The following ZDHHC11 variants were observed in gnomAD, a reference collection of about 807,000 sequenced individuals.
ZDHHC11 encodes palmitoyltransferase ZDHHC11.
In ZDHHC11, 44 loss-of-function variants were observed where a neutral mutation model predicts 51.3. The ratio of observed to expected loss-of-function variants is 0.86; its 90% CI spans 0.67 to 1.10. ZDHHC11 has a LOEUF of 1.10. ZDHHC11 is among the 50% of genes least tolerant of loss of function. ZDHHC11 has a pLI of 0.00. For synonymous variants in ZDHHC11, 163 were observed against 222.0 expected, an observed-to-expected ratio of 0.73 and a Z score of 2.36; for missense variants, 400 against 537.7, an observed-to-expected ratio of 0.74 and a Z score of 2.53.
At chr5:852,477 G>A (rs1747371661), upstream of ZDHHC11, among the ~76,000 whole-genome samples, 1 of 152,258 alleles carries the variant, frequency 6.6e-6, no homozygotes, top group East Asian at 1.9e-4. Flanking sequence ...GAGAAAATGT[G>A]AGCAAGCCAG....
At chr5:854,488 C>T (rs1473596343), upstream of ZDHHC11, among the ~76,000 whole-genome samples, 1 of 149,648 alleles carries the variant, frequency 6.7e-6, no homozygotes, top group Non-Finnish European at 1.5e-5. Flanking sequence ...GGGACAGACC[C>T]CACAGAGGAC....
chr5:814,872 G>C (rs1740572303), intron 10 of ZDHHC11, 77 bp from the exon 11 acceptor site: 2 of 1,374,714 alleles, frequency 1.5e-6, no homozygotes, highest in African/African-American at 1.5e-5. Flanking sequence ...TAAAATTCAA[G>C]TTCATTACTA....
At chr5:843,920 GGCA>G (rs1222740144) in intron 3 of ZDHHC11, among the ~76,000 whole-genome samples, 196 bp from the exon 4 acceptor site, 7 of 126,656 alleles carry the variant, frequency 5.5e-5, no homozygotes, top group Non-Finnish European at 1.2e-4. Context: ...GGACACGCAG[GGCA>G]TCTGAGGCAG....
chr5:798,390 C>T (rs1737898200), intron 12 of ZDHHC11, among the ~76,000 whole-genome samples: 1 of 151,638 alleles, frequency 6.6e-6, no homozygotes. Context: ...CACTCGCACT[C>T]ACATGGACAC....
chr5:845,078 G>A (rs1287626531), intron 3 of ZDHHC11, among the ~76,000 whole-genome samples: 1 of 152,412 alleles, frequency 6.6e-6, no homozygotes, highest in Non-Finnish European at 1.5e-5. Context: ...CGAAGAGGCA[G>A]TTAGGGCACA....
At chr5:854,082 G>A (rs189956412), upstream of ZDHHC11, among the ~76,000 whole-genome samples, 1,099 of 140,954 alleles carry the variant, frequency 7.8e-3, 10 homozygotes, top group Non-Finnish European at 0.011. Flanking sequence ...CGAGGACAGC[G>A]AGCCGGGGGG....
intron 7 of ZDHHC11, among the ~76,000 whole-genome samples, chr5:825,457 G>C (rs1169242595): frequency 6.6e-6 from 1 of 152,132 alleles, no homozygotes; most frequent in Non-Finnish European, 1.5e-5. Flanking sequence ...CTCGTGTAAA[G>C]GACCATGACT....
At chr5:853,465 G>A (rs117841193), upstream of ZDHHC11, among the ~76,000 whole-genome samples, 8 of 143,628 alleles carry the variant, frequency 5.6e-5, no homozygotes, top group East Asian at 8.7e-4. Context: ...AGACCCCACA[G>A]AGGACAGCGA....
In ZDHHC11 at chr5:850,564, T is replaced by A; in HGVS notation, c.39A>T (p.Pro13=). Residue 13 remains proline, a synonymous_variant, in exon 1 of 13, where the codon CCA becomes CCT. Transcript: ENST00000283441. ...TRSGSQCSVT[P]EAILNNEKLV... is the part of the protein sequence containing the mutation. ...GCTTTTCATTATTGAGTATGGCTTC[T>A]GGGGTGACGGAACACTGGCTCCCGG... The A allele has an allele frequency of 6.2e-7, 1 of 1,613,512 alleles. No individual in the cohort carries two copies. The highest frequency in any genetic ancestry group is 2.2e-5 in the East Asian group (1 of 44,866).
At chr5:851,377 G>A (rs1030496888), upstream of ZDHHC11, among the ~76,000 whole-genome samples, 4 of 151,944 alleles carry the variant, frequency 2.6e-5, no homozygotes, top group Admixed American at 6.5e-5. Context: ...GTCACAGAGC[G>A]GCAGTGAAAG....
In ZDHHC11 at chr5:808,695, T is replaced by C. The variant is rs4507533; in HGVS notation, c.1181+6066A>G. Among the ~76,000 whole-genome samples the C allele has an allele frequency of 1.7e-3, 239 of 139,650 alleles. 1 individual carries two copies. Among genetic ancestry groups the C allele is most frequent in the Non-Finnish European group, 2.2e-3 (138 of 63,486 alleles). 91.6% of individuals were successfully genotyped at this position (139,650 alleles called of 152,430 possible). ...GATTACAGGAGCATGCCATCAAACC[T>C]AGCTAATTTTTTTTTTTTTTTTGAG... On this transcript the variant is annotated intron_variant, in intron 11 of 12. Coordinates refer to ENST00000283441, the MANE Select transcript of ZDHHC11 (RefSeq NM_024786.3).
At chr5:812,776 A>C (rs1740263630) in intron 11 of ZDHHC11, among the ~76,000 whole-genome samples, 1 of 151,422 alleles carries the variant, frequency 6.6e-6, no homozygotes, top group African/African-American at 2.4e-5. Flanking sequence ...ACTTGGTCAT[A>C]AACTTAATAT....
chr5:851,208 G>A (rs1433208803), upstream of ZDHHC11, among the ~76,000 whole-genome samples: 1 of 152,164 alleles, frequency 6.6e-6, no homozygotes, highest in Non-Finnish European at 1.5e-5. Context: ...ACTTCACAGG[G>A]TCCTGTGTGT....
intron 5 of ZDHHC11, chr5:839,980 C>T (rs1426191625): frequency 1.2e-4 from 66 of 532,016 alleles, no homozygotes; most frequent in Middle Eastern, 9.5e-4. Flanking sequence ...GTTTACCCTC[C>T]GTCGTTCAGC....
At chr5:856,551 T>C (rs534150915) in intron 1 of ZDHHC11, among the ~76,000 whole-genome samples, 180 of 143,416 alleles carry the variant, frequency 1.3e-3, no homozygotes, top group African/African-American at 4.6e-3. Flanking sequence ...CACAACTCCA[T>C]GCACACCACA....
intron 1 of ZDHHC11, among the ~76,000 whole-genome samples, chr5:856,908 A>G (rs1202718978): frequency 6.6e-6 from 1 of 150,850 alleles, no homozygotes; most frequent in East Asian, 1.9e-4. Context: ...CAAACCACAC[A>G]CCACACACAC....
chr5:829,792 A>G (rs1404816029), intron 7 of ZDHHC11, among the ~76,000 whole-genome samples: 1 of 151,512 alleles, frequency 6.6e-6, no homozygotes, highest in Non-Finnish European at 1.5e-5. Context: ...TAATAACACC[A>G]TGGTCAAGTG....
In ZDHHC11 at chr5:824,629, ACAC is replaced by A. The variant is rs576094077; in HGVS notation, c.1023+532_1023+534del. Among the ~76,000 whole-genome samples the A allele has an allele frequency of 4.2e-3, 640 of 151,362 alleles. 3 individuals carry two copies. The highest frequency in any genetic ancestry group is 0.015 in the African/African-American group (619 of 41,146). On this transcript the variant is annotated intron_variant, in intron 8 of 12. Coordinates refer to ENST00000283441, the MANE Select transcript of ZDHHC11 (RefSeq NM_024786.3). ...TTCACACACATATACACGTGACCAC[ACAC>A]CACACACAAAACCACACACATAACC...
At chr5:855,423 C>T (rs1488634849), upstream of ZDHHC11, among the ~76,000 whole-genome samples, 2 of 149,348 alleles carry the variant, frequency 1.3e-5, no homozygotes. Context: ...GGGCACAGAC[C>T]CCATAGAGGA....
Sources: gnomAD v4.1 joint callset for allele counts (sites outside exome capture counted in the v4.1 genomes callset) on GRCh38, gnomAD v4.1.1 for gene constraint, MANE v1.5 for transcripts, NCBI Gene and HGNC (gene_info 2026-07-23, HGNC 2026-07-21) for gene names.